The following AXDND1 variants were observed in gnomAD, a reference collection of about 807,000 sequenced individuals.
AXDND1 encodes the protein axonemal dynein light chain domain-containing protein 1.
AXDND1 carries 110 observed loss-of-function variants against 137.5 expected under a neutral mutation model. That is an observed-to-expected ratio of 0.80 (90% confidence interval 0.69 to 0.94). The LOEUF is 0.94. AXDND1 is among the 40% of genes least tolerant of loss of function. AXDND1 has a pLI of 0.00. For missense variants in AXDND1, 1,191 were observed against 1,169.8 expected, an observed-to-expected ratio of 1.02 and a Z score of -0.26; for synonymous variants, 414 against 399.7, an observed-to-expected ratio of 1.04 and a Z score of -0.43.
chr1:179,439,839 T>C (rs994181196), intron 15 of AXDND1, among the ~76,000 whole-genome samples: 1 of 150,882 alleles, frequency 6.6e-6, no homozygotes, highest in Non-Finnish European at 1.5e-5. Flanking sequence ...TCCTCCAGTC[T>C]CCCATTCCAT....
chr1:179,439,795 G>T (rs972270033), intron 15 of AXDND1, among the ~76,000 whole-genome samples: 1 of 152,090 alleles, frequency 6.6e-6, no homozygotes, highest in Admixed American at 6.6e-5. Flanking sequence ...GGCTCGTACC[G>T]GAGGGACCGG....
chr1:179,496,652 C>T (rs1401939651), intron 20 of AXDND1, among the ~76,000 whole-genome samples: 6 of 151,948 alleles, frequency 3.9e-5, no homozygotes, highest in Non-Finnish European at 7.4e-5. Flanking sequence ...CCAGATTTTG[C>T]TTTCATTGAT....
intron 25 of AXDND1, chr1:179,551,815 G>T (rs764551577): frequency 7.1e-6 from 2 of 279,856 alleles, no homozygotes; most frequent in Admixed American, 4.9e-5. Flanking sequence ...CAGGGAAAGT[G>T]AATGGGTAAA....
At chr1:179,465,301 T>C (rs144285960) in intron 16 of AXDND1, among the ~76,000 whole-genome samples, 3,586 of 152,280 alleles carry the variant, frequency 0.024, 122 homozygotes, top group African/African-American at 0.08. Flanking sequence ...TGTGGTTTTG[T>C]TGTGGATGTC....
At chr1:179,493,576 A>C (rs1667148841) in intron 20 of AXDND1, among the ~76,000 whole-genome samples, 1 of 152,244 alleles carries the variant, frequency 6.6e-6, no homozygotes, top group Non-Finnish European at 1.5e-5. Flanking sequence ...AGAAACGGTC[A>C]AACTGCCTTC....
chr1:179,509,293 CAGAA>C lies in AXDND1; in HGVS notation c.2391_2394del (p.Lys797AsnfsTer24). The C allele has an allele frequency of 1.9e-6, 3 of 1,592,912 alleles. No homozygotes were observed. The highest frequency in any genetic ancestry group is 1.1e-5 in the South Asian group (1 of 88,874). On this transcript the variant is annotated splice_acceptor_variant and coding_sequence_variant, in exon 21 of 26. Coordinates refer to ENST00000367618, the MANE Select transcript of AXDND1 (RefSeq NM_144696.6). LOFTEE classifies it high-confidence loss of function. ...CTGCTTGTAATCTTTTATCTCTTCTCAGAAAGAATGTTATGAATGGATCAACACA... is the reference window on the plus strand; with the variant it reads ...CTGCTTGTAATCTTTTATCTCTTCTCAGAATGTTATGAATGGATCAACACA...
chr1:179,385,481 T>C, intron 9 of AXDND1, 122 bp downstream of exon 9: 1 of 1,129,930 alleles, frequency 8.9e-7, no homozygotes, highest in Non-Finnish European at 1.3e-6. Context: ...GTAAGTAATC[T>C]AACTGCATTT....
At chr1:179,428,116 A>G (rs1457149921) in intron 12 of AXDND1, among the ~76,000 whole-genome samples, 1 of 152,246 alleles carries the variant, frequency 6.6e-6, no homozygotes, top group East Asian at 1.9e-4. Flanking sequence ...GTCAGACCTC[A>G]TCTAGAATAC....
At chr1:179,522,405 C>A (rs1185878724) in intron 21 of AXDND1, among the ~76,000 whole-genome samples, 3 of 152,006 alleles carry the variant, frequency 2.0e-5, no homozygotes, top group African/African-American at 4.8e-5. Context: ...TTAAGTATAA[C>A]TTTTGTAGTC....
chr1:179,470,984 T>C (rs553267627), intron 17 of AXDND1, among the ~76,000 whole-genome samples: 7 of 152,336 alleles, frequency 4.6e-5, no homozygotes, highest in Non-Finnish European at 1.0e-4. Context: ...ACAAATGCTT[T>C]TTCTGTATCT....
At chr1:179,442,962 A>C (rs6664339) in intron 15 of AXDND1, among the ~76,000 whole-genome samples, 3 of 151,998 alleles carry the variant, frequency 2.0e-5, no homozygotes, top group Non-Finnish European at 2.9e-5. Context: ...ACAGCGCTCC[A>C]TATGTATTAG....
intron 25 of AXDND1, among the ~76,000 whole-genome samples, chr1:179,550,232 C>T (rs1673070258): frequency 6.6e-6 from 1 of 151,986 alleles, no homozygotes; most frequent in Non-Finnish European, 1.5e-5. Flanking sequence ...TTCTTATTGG[C>T]TTATTTTTTC....
intron 7 of AXDND1, 145 bp from the exon 8 acceptor site, chr1:179,383,297 T>G (rs1466660502): frequency 1.7e-6 from 1 of 592,750 alleles, no homozygotes. Context: ...CCCAATAGAT[T>G]AATAGACACA....
intron 12 of AXDND1, among the ~76,000 whole-genome samples, chr1:179,422,048 A>G (rs1409901247): frequency 2.0e-4 from 30 of 147,312 alleles, no homozygotes; most frequent in African/African-American, 2.3e-4. Flanking sequence ...CTCAAAAGAA[A>G]AAAAAAAAAA....
intron 21 of AXDND1, among the ~76,000 whole-genome samples, chr1:179,521,634 G>T (rs1431517808): frequency 1.3e-5 from 2 of 152,046 alleles, no homozygotes; most frequent in Admixed American, 1.3e-4. Context: ...AAAAGTCTCA[G>T]ATATCCACCT....
chr1:179,379,490 C>T lies in AXDND1; in HGVS notation c.581+8C>T. On this transcript the variant is annotated splice_region_variant and intron_variant, in intron 6 of 25. Transcript: ENST00000367618. ...TTTGGAGTGTTATGATGAGTGAGTA[C>T]TATGATATGTAAAAAATACCTGCCC... 1 of 1,609,268 alleles carries T rather than the reference C, an allele frequency of 6.2e-7. No individual in the cohort carries two copies. Among genetic ancestry groups the T allele is most frequent in the Non-Finnish European group, 8.5e-7 (1 of 1,178,338 alleles).
At chr1:179,427,385 CTGAA>C (rs1256625187) in intron 12 of AXDND1, among the ~76,000 whole-genome samples, 1 of 151,644 alleles carries the variant, frequency 6.6e-6, no homozygotes, top group Non-Finnish European at 1.5e-5. Flanking sequence ...AATTTTTTGA[CTGAA>C]TGGTAATTTT....
At chr1:179,554,159 C>A (rs1673730808) in intron 25 of AXDND1, among the ~76,000 whole-genome samples, 1 of 152,086 alleles carries the variant, frequency 6.6e-6, no homozygotes, top group Admixed American at 6.6e-5. Context: ...AGCGATCCAC[C>A]CACCTTGGCA....
intron 15 of AXDND1, among the ~76,000 whole-genome samples, chr1:179,435,489 A>C (rs1466023368): frequency 6.6e-6 from 1 of 152,238 alleles, no homozygotes; most frequent in Non-Finnish European, 1.5e-5. Flanking sequence ...GTACCAAAAC[A>C]GACATATAGA....
Sources: allele counts gnomAD v4.1 joint callset (sites outside exome capture counted in the v4.1 genomes callset), GRCh38; gene constraint gnomAD v4.1.1; transcripts MANE v1.5; gene names NCBI Gene and HGNC (gene_info 2026-07-23, HGNC 2026-07-21).